The following GRM1 variants were observed in gnomAD, a reference collection of about 807,000 sequenced individuals.
The protein encoded by GRM1 is glutamate metabotropic receptor 1.
GRM1 carries 33 observed loss-of-function variants against 90.9 expected under a neutral mutation model. The ratio of observed to expected loss-of-function variants is 0.36; its 90% CI spans 0.28 to 0.49. The LOEUF is 0.49. Among genes scored for constraint, GRM1 ranks in the 20% least tolerant of loss-of-function variants. The pLI is 0.99. For synonymous variants in GRM1, 700 were observed against 613.2 expected (o/e 1.14, Z -2.09); for missense variants, 1,190 against 1,534.3 (o/e 0.78, Z 3.75).
At chr6:146,365,648 ATC>A (rs1389501221) in intron 5 of GRM1, among the ~76,000 whole-genome samples, 1 of 152,148 alleles carries the variant, frequency 6.6e-6, no homozygotes, top group African/African-American at 2.4e-5. Context: ...CAGGGTACTC[ATC>A]CTACCTAGCC....
chr6:146,300,583 T>C (rs919509075), intron 2 of GRM1, among the ~76,000 whole-genome samples: 1 of 152,216 alleles, frequency 6.6e-6, no homozygotes, highest in Non-Finnish European at 1.5e-5. Flanking sequence ...AGCTTTCTGT[T>C]AAACAGTTCA....
At chr6:146,172,676 CA>C (rs1778180552) in intron 2 of GRM1, among the ~76,000 whole-genome samples, 1 of 152,104 alleles carries the variant, frequency 6.6e-6, no homozygotes, top group Admixed American at 6.5e-5. Flanking sequence ...GGTCTTAGCA[CA>C]GTGATACTCA....
At chr6:146,135,912 C>T (rs1242656189) in intron 1 of GRM1, among the ~76,000 whole-genome samples, 1 of 152,062 alleles carries the variant, frequency 6.6e-6, no homozygotes, top group Non-Finnish European at 1.5e-5. Flanking sequence ...TAACTATCCC[C>T]ACTTTCCCCT....
At chr6:146,239,586 T>G (rs1191224573) in intron 2 of GRM1, among the ~76,000 whole-genome samples, 1 of 152,128 alleles carries the variant, frequency 6.6e-6, no homozygotes, top group African/African-American at 2.4e-5. Context: ...TGCTGTACAC[T>G]TTCTACAAAA....
intron 1 of GRM1, among the ~76,000 whole-genome samples, chr6:146,095,298 A>C (rs919070955): frequency 2.0e-5 from 3 of 152,156 alleles, no homozygotes; most frequent in African/African-American, 7.2e-5. Flanking sequence ...CCTTATGGTC[A>C]AATGGTGAGC....
At chr6:146,319,679 C>T (rs1784099862) in intron 3 of GRM1, among the ~76,000 whole-genome samples, 1 of 152,178 alleles carries the variant, frequency 6.6e-6, no homozygotes, top group Non-Finnish European at 1.5e-5. Context: ...AGGTCCTTCA[C>T]ATCCCTTGTA....
chr6:146,043,782 GATAT>G (rs3064997), intron 1 of GRM1, among the ~76,000 whole-genome samples: 5,852 of 89,938 alleles, frequency 0.065, 478 homozygotes, highest in African/African-American at 0.18. Flanking sequence ...AGAGTCAGGT[GATAT>G]ATATATATAT....
At chr6:146,255,069 T>C (rs369258475) in intron 2 of GRM1, among the ~76,000 whole-genome samples, 12 of 152,214 alleles carry the variant, frequency 7.9e-5, no homozygotes, top group African/African-American at 2.4e-4. Context: ...TCAGCAAAAC[T>C]ACAACCGCCT....
chr6:146,236,354 G>A (rs962571470), intron 2 of GRM1, among the ~76,000 whole-genome samples: 1 of 152,142 alleles, frequency 6.6e-6, no homozygotes, highest in Non-Finnish European at 1.5e-5. Flanking sequence ...GTTTGCTAGA[G>A]AGTTGTTCTC....
chr6:146,359,572 T>G (rs1775381032), intron 5 of GRM1, among the ~76,000 whole-genome samples: 1 of 152,208 alleles, frequency 6.6e-6, no homozygotes, highest in Admixed American at 6.5e-5. Context: ...TGCAAGGATT[T>G]GCTGTCCTCA....
chr6:146,278,478 C>T (rs1213052660), intron 2 of GRM1, among the ~76,000 whole-genome samples: 1 of 152,114 alleles, frequency 6.6e-6, no homozygotes, highest in Admixed American at 6.6e-5. Context: ...GCTTGTACAT[C>T]AATTTTGCTT....
intron 1 of GRM1, among the ~76,000 whole-genome samples, chr6:146,059,682 T>C (rs957603151): frequency 1.3e-5 from 2 of 152,174 alleles, no homozygotes; most frequent in Non-Finnish European, 2.9e-5. Context: ...AAATCACTTG[T>C]TTAAAGTAGT....
At chr6:146,184,697 C>T (rs905737194) in intron 2 of GRM1, among the ~76,000 whole-genome samples, 2 of 152,064 alleles carry the variant, frequency 1.3e-5, no homozygotes, top group Admixed American at 6.6e-5. Flanking sequence ...AAACTTAAAT[C>T]GATAAACATT....
chr6:146,183,957 A>T (rs1778635153), intron 2 of GRM1, among the ~76,000 whole-genome samples: 1 of 152,208 alleles, frequency 6.6e-6, no homozygotes, highest in African/African-American at 2.4e-5. Flanking sequence ...CAGGCCACTT[A>T]GTCTGTAAAT....
intron 1 of GRM1, among the ~76,000 whole-genome samples, chr6:146,106,873 G>T (rs1030104770): frequency 6.6e-6 from 1 of 152,216 alleles, no homozygotes; most frequent in East Asian, 1.9e-4. Flanking sequence ...TTAGCATGAC[G>T]ATATGCACAG....
intron 2 of GRM1, among the ~76,000 whole-genome samples, chr6:146,300,801 A>C (rs1231189045): frequency 1.3e-5 from 2 of 152,152 alleles, no homozygotes; most frequent in East Asian, 1.9e-4. Flanking sequence ...CAGGTCAAGC[A>C]CAGTCTAGTT....
chr6:146,338,978 A>G lies in GRM1; in HGVS notation c.1187-13272A>G, dbSNP rs362858. Among the ~76,000 whole-genome samples, 728 of 152,268 alleles carry G rather than the reference A, an allele frequency of 4.8e-3. 4 individuals carry two copies. The highest frequency in any genetic ancestry group is 0.017 in the African/African-American group (698 of 41,542). ...CCTGGGATGCCACAGTGACTGCAGC[A>G]TTTCTTAAATCCTTGTCCTTATAGT... On this transcript the variant is annotated intron_variant, in intron 3 of 7. Transcript: ENST00000282753.
At chr6:146,378,917 C>G (rs1015916942) in intron 5 of GRM1, among the ~76,000 whole-genome samples, 3 of 152,166 alleles carry the variant, frequency 2.0e-5, no homozygotes, top group Non-Finnish European at 4.4e-5. Context: ...CATTCTCTCT[C>G]TTGCTTGCCT....
chr6:146,077,826 A>G (rs1227744824), intron 1 of GRM1, among the ~76,000 whole-genome samples: 1 of 152,086 alleles, frequency 6.6e-6, no homozygotes, highest in East Asian at 1.9e-4. Context: ...TCTCTATTTC[A>G]CTTTGGTGGA....
Sources: gnomAD v4.1 joint callset for allele counts (sites outside exome capture counted in the v4.1 genomes callset) on GRCh38, gnomAD v4.1.1 for gene constraint, MANE v1.5 for transcripts, NCBI Gene and HGNC (gene_info 2026-07-23, HGNC 2026-07-21) for gene names.